The following TMEM232 variants were observed in gnomAD, a reference collection of about 807,000 sequenced individuals.
The protein encoded by TMEM232 is transmembrane protein 232.
Under a neutral mutation model 78.8 loss-of-function variants are expected in TMEM232, and 80 were observed. That is an observed-to-expected ratio of 1.01 (90% CI 0.85 to 1.22). The LOEUF (loss-of-function observed/expected upper bound fraction) is 1.22. Among genes scored for constraint, TMEM232 ranks in the 50% most tolerant of loss-of-function variants. The probability of loss-of-function intolerance (pLI) is 0.00; values close to 1 mark genes in which losing one functional copy is unlikely to be tolerated. For synonymous variants in TMEM232, 297 were observed against 254.3 expected (o/e 1.17, Z -1.60); for missense variants, 881 against 742.2 (o/e 1.19, Z -2.17).
chr5:110,556,588 A>G (rs942420722), intron 11 of TMEM232, among the ~76,000 whole-genome samples: 1 of 152,002 alleles, frequency 6.6e-6, no homozygotes, highest in Non-Finnish European at 1.5e-5. Flanking sequence ...AGAGTTTTGC[A>G]TTGTTGCCCA....
At chr5:110,689,172 T>A (rs1793786309) in intron 1 of TMEM232, among the ~76,000 whole-genome samples, 1 of 152,156 alleles carries the variant, frequency 6.6e-6, no homozygotes, top group Non-Finnish European at 1.5e-5. Context: ...GATTGAGACT[T>A]GTCTTCCATT....
intron 12 of TMEM232, among the ~76,000 whole-genome samples, chr5:110,434,253 A>C (rs561149046): frequency 6.6e-6 from 1 of 151,592 alleles, no homozygotes; most frequent in South Asian, 2.1e-4. Context: ...GAGAAGATTC[A>C]AATAAGCAAA....
intron 1 of TMEM232, among the ~76,000 whole-genome samples, chr5:110,677,294 C>CT (rs1483720910): frequency 4.7e-5 from 7 of 150,420 alleles, no homozygotes; most frequent in Admixed American, 6.6e-5. Flanking sequence ...GGATATTAAC[C>CT]TTTTTTTGGA....
chr5:110,432,995 C>T (rs985516863), intron 12 of TMEM232, among the ~76,000 whole-genome samples: 4 of 151,652 alleles, frequency 2.6e-5, no homozygotes, highest in African/African-American at 7.3e-5. Flanking sequence ...ACACTTACTT[C>T]TAGCCTTAAG....
At chr5:110,523,784 C>G (rs370197435) in intron 12 of TMEM232, among the ~76,000 whole-genome samples, 8 of 151,744 alleles carry the variant, frequency 5.3e-5, no homozygotes, top group African/African-American at 1.9e-4. Context: ...TAGGCCCTGT[C>G]TCTACAAAAA....
chr5:110,515,798 A>G (rs1316044661), intron 12 of TMEM232, among the ~76,000 whole-genome samples: 1 of 152,164 alleles, frequency 6.6e-6, no homozygotes, highest in Non-Finnish European at 1.5e-5. Flanking sequence ...GAAGCTGCAG[A>G]GGAGGAGCAC....
intron 12 of TMEM232, among the ~76,000 whole-genome samples, chr5:110,508,379 TGAA>T (rs988610923): frequency 6.6e-6 from 1 of 151,036 alleles, no homozygotes; most frequent in Non-Finnish European, 1.5e-5. Context: ...AGGTAGGAAA[TGAA>T]ATAAAAACAA....
chr5:110,526,654 A>G (rs1770644937), intron 12 of TMEM232, among the ~76,000 whole-genome samples: 1 of 151,954 alleles, frequency 6.6e-6, no homozygotes, highest in Admixed American at 6.6e-5. Flanking sequence ...AATATGTAAC[A>G]ACATTACAAA....
chr5:110,520,555 T>C (rs1769354244), intron 12 of TMEM232, among the ~76,000 whole-genome samples: 1 of 152,196 alleles, frequency 6.6e-6, no homozygotes, highest in East Asian at 1.9e-4. Flanking sequence ...TAGACTATTA[T>C]ATAATAATTA....
At position 110,556,639 on chromosome 5, in the gene TMEM232, A is replaced by G. The variant is rs1775129024; in HGVS notation, c.1455+11808T>C. Reference sequence around the variant, plus strand: ...CGAGCTCCGGTGATCCACCCAACTCAGCCTCCCACAGTGCTGGGATTACAA... The same window carrying G: ...CGAGCTCCGGTGATCCACCCAACTCGGCCTCCCACAGTGCTGGGATTACAA... On this transcript the variant is annotated intron_variant, in intron 11 of 13. Coordinates refer to ENST00000455884, the MANE Select transcript of TMEM232 (RefSeq NM_001039763.4). Among the ~76,000 whole-genome samples the G allele has an allele frequency of 2.0e-5, 3 of 152,180 alleles. No homozygotes were observed. In the South Asian group the frequency reaches 6.2e-4, roughly 32 times the overall value.
chr5:110,602,455 A>AAG (rs1334834434), intron 10 of TMEM232, among the ~76,000 whole-genome samples: 5 of 152,180 alleles, frequency 3.3e-5, no homozygotes, highest in African/African-American at 9.6e-5. Flanking sequence ...TACAAGAAAA[A>AAG]AAAACCCATC....
intron 12 of TMEM232, among the ~76,000 whole-genome samples, chr5:110,474,073 T>C (rs79267669): frequency 0.039 from 5,871 of 151,698 alleles, 338 homozygotes; most frequent in East Asian, 0.26. Context: ...TGGTGTTCCA[T>C]TGCACAATAT....
intron 1 of TMEM232, among the ~76,000 whole-genome samples, chr5:110,690,283 T>C (rs1461688262): frequency 6.6e-6 from 1 of 152,066 alleles, no homozygotes; most frequent in East Asian, 1.9e-4. Context: ...TTTAAACAAA[T>C]TTACAAGAAA....
chr5:110,527,306 A>C (rs886771535), intron 12 of TMEM232, among the ~76,000 whole-genome samples: 1 of 151,948 alleles, frequency 6.6e-6, no homozygotes, highest in East Asian at 1.9e-4. Context: ...TATAAAGGAT[A>C]AGTGAGTTTA....
chr5:110,493,280 T>G (rs1765301835), intron 12 of TMEM232, among the ~76,000 whole-genome samples: 1 of 151,564 alleles, frequency 6.6e-6, no homozygotes, highest in African/African-American at 2.4e-5. Context: ...ATTAATAAAT[T>G]TAATGCAATT....
chr5:110,424,720 A>C, intron 13 of TMEM232, 103 bp downstream of exon 13: 1 of 913,004 alleles, frequency 1.1e-6, no homozygotes, highest in Non-Finnish European at 1.6e-6. Flanking sequence ...TCTACTTTTA[A>C]ATTTCACATA....
Position 110,625,421 on chromosome 5 carries a change from GAGAA to G in TMEM232, c.610_613del (p.Phe204LeufsTer19). 1 of 1,521,744 alleles carries G rather than the reference GAGAA, an allele frequency of 6.6e-7. No homozygotes were observed. Among genetic ancestry groups the G allele is most frequent in the African/African-American group, 1.4e-5 (1 of 71,786 alleles). 94.3% of individuals were successfully genotyped at this position (1,521,744 alleles called of 1,614,324 possible). On this transcript the variant is annotated frameshift_variant, in exon 7 of 14. Transcript: ENST00000455884. LOFTEE classifies it high-confidence loss of function. ...TGGATACTTGTGATATGATGCTCCAGAGAAAGAAAGTGCTATTGTAAGAAAAATC... is the reference window on the plus strand; with the variant it reads ...TGGATACTTGTGATATGATGCTCCAGAGAAAGTGCTATTGTAAGAAAAATC...
chr5:110,722,562 C>T (rs1248771757), intron 1 of TMEM232, among the ~76,000 whole-genome samples: 1 of 152,206 alleles, frequency 6.6e-6, no homozygotes, highest in African/African-American at 2.4e-5. Context: ...TTCCTGTGTG[C>T]TCTCATGGAG....
chr5:110,459,847 A>G (rs1343554651), intron 12 of TMEM232, among the ~76,000 whole-genome samples: 1 of 152,184 alleles, frequency 6.6e-6, no homozygotes, highest in Non-Finnish European at 1.5e-5. Flanking sequence ...AGAAGGACAC[A>G]TTGTTTCTGT....
Sources: allele counts gnomAD v4.1 joint callset (sites outside exome capture counted in the v4.1 genomes callset), GRCh38; gene constraint gnomAD v4.1.1; transcripts MANE v1.5; gene names NCBI Gene and HGNC (gene_info 2026-07-23, HGNC 2026-07-21).